The following MLXIPL variants were observed in gnomAD, a reference collection of about 807,000 sequenced individuals.
The protein encoded by MLXIPL is carbohydrate-responsive element-binding protein.
A neutral mutation model predicts 81.5 loss-of-function variants in MLXIPL; 49 were observed. That is an observed-to-expected ratio of 0.60 (90% CI 0.48 to 0.76). The LOEUF (loss-of-function observed/expected upper bound fraction) is 0.76, where lower values mean the gene tolerates loss of function less well. MLXIPL is among the 30% of genes least tolerant of loss of function. MLXIPL has a pLI of 0.00. For synonymous variants in MLXIPL, 466 were observed against 485.5 expected (o/e 0.96, Z 0.53); for missense variants, 1,053 against 1,167.0 (o/e 0.90, Z 1.42).
chr7:73,597,598 A>G lies in MLXIPL; in HGVS notation c.1187T>C (p.Leu396Pro). 2.5e-6 allele frequency: 2 copies of G among 799,074 alleles called. No individual in the cohort carries two copies. Among genetic ancestry groups the G allele is most frequent in the Non-Finnish European group, 3.0e-6 (2 of 673,658 alleles). The allele number at this position is 799,074 out of a possible 1,614,324, so 49.5% of individuals were successfully genotyped here. ...LPPPPVPPPL[L>P]HYPPPAKVPG... ...CACCTTGGCAGGGGGAGGGTAATGC[A>G]GCAGAGGTGGGGGTACAGGAGGGGG... The change falls in exon 9 of 17, where the codon CTG (leucine) becomes CCG (proline). Residue 396 changes from leucine to proline, a missense_variant. By Grantham distance (98) the Leu-to-Pro change is moderately conservative (BLOSUM62 -3). Coordinates refer to ENST00000313375, the MANE Select transcript of MLXIPL (RefSeq NM_032951.3).
At chr7:73,608,755 C>T (rs1361925252) in intron 2 of MLXIPL, among the ~76,000 whole-genome samples, 1 of 152,116 alleles carries the variant, frequency 6.6e-6, no homozygotes, top group African/African-American at 2.4e-5. Context: ...TCCACCTCCC[C>T]TCCCAGTCTC....
intron 9 of MLXIPL, 82 bp downstream of exon 9, chr7:73,597,094 CCTTCAT>C (rs1794391308): frequency 2.0e-6 from 3 of 1,479,750 alleles, no homozygotes; most frequent in Non-Finnish European, 2.7e-6. Context: ...TGCCCCTTCA[CCTTCAT>C]CTTCTGCTCC....
the MLXIPL span, among the ~76,000 whole-genome samples, chr7:73,637,771 G>C: frequency 6.6e-6 from 1 of 152,156 alleles, no homozygotes; most frequent in Non-Finnish European, 1.5e-5. Flanking sequence ...TGGGGTGTGG[G>C]ACAGGGAGGA....
the MLXIPL span, among the ~76,000 whole-genome samples, chr7:73,634,662 C>T: frequency 2.0e-5 from 3 of 151,672 alleles, no homozygotes; most frequent in African/African-American, 4.8e-5. Flanking sequence ...CCCAAAGTGC[C>T]GGGATTACAA....
the MLXIPL span, among the ~76,000 whole-genome samples, chr7:73,643,289 C>T: frequency 6.6e-6 from 1 of 152,014 alleles, no homozygotes; most frequent in Non-Finnish European, 1.5e-5. Context: ...CCGAGGCGGG[C>T]GGATCACGAG....
chr7:73,637,663 C>CT, the MLXIPL span, among the ~76,000 whole-genome samples: 11 of 149,846 alleles, frequency 7.3e-5, no homozygotes, highest in African/African-American at 2.7e-4. Flanking sequence ...GCCCAAGGTT[C>CT]TTACTGATGG....
intron 2 of MLXIPL, 130 bp downstream of exon 2, chr7:73,615,941 C>T: frequency 1.6e-6 from 1 of 632,552 alleles, no homozygotes; most frequent in Non-Finnish European, 2.8e-6. Flanking sequence ...AAAAGGTTGG[C>T]AGAACTCTGC....
chr7:73,602,884 G>A (rs1794994348), intron 7 of MLXIPL, among the ~76,000 whole-genome samples: 1 of 152,200 alleles, frequency 6.6e-6, no homozygotes, highest in Admixed American at 6.5e-5. Context: ...CAGGGGTCAT[G>A]GGGCCGCAAG....
chr7:73,623,041 A>C lies in MLXIPL; in HGVS notation c.293+1159T>G, dbSNP rs1796480524. Among the ~76,000 whole-genome samples, 1 of 151,968 alleles carries C rather than the reference A, an allele frequency of 6.6e-6. No individual in the cohort carries two copies. Among genetic ancestry groups the C allele is most frequent in the African/African-American group, 2.4e-5 (1 of 41,384 alleles). On this transcript the variant is annotated intron_variant, in intron 1 of 16. Coordinates refer to ENST00000313375, the MANE Select transcript of MLXIPL (RefSeq NM_032951.3). The surrounding 1 kb of genome is among the most constrained non-coding windows in gnomAD (Gnocchi z 5.7). ...AATTTGAACTTTCCACACGGGTCCGACGCCCTGGCCGATCGGGTTGCAACA... is the reference window on the plus strand; with the variant it reads ...AATTTGAACTTTCCACACGGGTCCGCCGCCCTGGCCGATCGGGTTGCAACA...
upstream of MLXIPL, among the ~76,000 whole-genome samples, chr7:73,629,215 G>A (rs1277531120): frequency 1.3e-5 from 2 of 151,926 alleles, no homozygotes; most frequent in Non-Finnish European, 2.9e-5. Flanking sequence ...GCTAATTTTT[G>A]TATTTTTGTA....
intron 2 of MLXIPL, 103 bp from the exon 3 acceptor site, chr7:73,607,775 T>C: frequency 9.9e-7 from 1 of 1,012,968 alleles, no homozygotes. Context: ...CTGCTTGGCC[T>C]TTGACGTTCA....
chr7:73,624,020 G>A (rs1276263326), intron 1 of MLXIPL, among the ~76,000 whole-genome samples, 180 bp downstream of exon 1: 1 of 151,970 alleles, frequency 6.6e-6, no homozygotes, highest in African/African-American at 2.4e-5. Flanking sequence ...GGGCTGGGCC[G>A]CTGTAGGAGG....
At chr7:73,634,792 G>T in the MLXIPL span, among the ~76,000 whole-genome samples, 1 of 117,684 alleles carries the variant, frequency 8.5e-6, no homozygotes, top group Admixed American at 8.0e-5. Flanking sequence ...TAGGCTTTCT[G>T]CTTCTATATG....
chr7:73,594,629 A>C (rs567498250), intron 15 of MLXIPL, among the ~76,000 whole-genome samples: 1 of 152,192 alleles, frequency 6.6e-6, no homozygotes, highest in African/African-American at 2.4e-5. Context: ...GCTCACTGCA[A>C]CTTCTGCCTC....
chr7:73,600,004 C>T (rs1188633895), intron 7 of MLXIPL, among the ~76,000 whole-genome samples: 3 of 152,048 alleles, frequency 2.0e-5, no homozygotes, highest in East Asian at 1.9e-4. Flanking sequence ...GGAAGTCCCC[C>T]TCCCCACCCC....
chr7:73,609,055 T>A (rs1554599124), intron 2 of MLXIPL, among the ~76,000 whole-genome samples: 1 of 151,942 alleles, frequency 6.6e-6, no homozygotes, highest in African/African-American at 2.4e-5. Context: ...GGAATCCTCT[T>A]GTCTTGGCCT....
the MLXIPL span, among the ~76,000 whole-genome samples, chr7:73,631,267 G>A: frequency 6.6e-6 from 1 of 151,910 alleles, no homozygotes; most frequent in African/African-American, 2.4e-5. Context: ...GCCTCGGCTC[G>A]GCCTCCCAAA....
chr7:73,617,287 G>A (rs962572158), intron 1 of MLXIPL, among the ~76,000 whole-genome samples: 7 of 152,026 alleles, frequency 4.6e-5, no homozygotes, highest in Admixed American at 2.6e-4. Context: ...CCAAAGTGCT[G>A]GGATTACAGA....
chr7:73,628,629 G>A (rs1035563682), upstream of MLXIPL, among the ~76,000 whole-genome samples: 4 of 152,110 alleles, frequency 2.6e-5, no homozygotes, highest in African/African-American at 7.2e-5. Flanking sequence ...CCAAAGTGTT[G>A]GGATTAGAAG....
Sources: gnomAD v4.1 joint callset for allele counts (sites outside exome capture counted in the v4.1 genomes callset) on GRCh38, gnomAD v4.1.1 for gene constraint, Gnocchi (gnomAD v3.1) non-coding constraint, MANE v1.5 for transcripts, NCBI Gene and HGNC (gene_info 2026-07-23, HGNC 2026-07-21) for gene names.